Variants in PAPSS1 observed in about 807,000 individuals in gnomAD.
PAPSS1 encodes the protein 3'-phosphoadenosine 5'-phosphosulfate synthase 1, also known as bifunctional 3'-phosphoadenosine 5'-phosphosulfate synthase 1.
Under a neutral mutation model 72.0 loss-of-function variants are expected in PAPSS1, and 50 were observed. The observed-to-expected ratio is 0.69, with a 90% CI of 0.55 to 0.88. PAPSS1 has a LOEUF of 0.88. Among genes scored for constraint, PAPSS1 ranks in the 40% least tolerant of loss-of-function variants. The probability of loss-of-function intolerance (pLI) is 0.00; values close to 1 mark genes in which losing one functional copy is unlikely to be tolerated. For synonymous variants in PAPSS1, 261 were observed against 263.6 expected (o/e 0.99, Z 0.09); for missense variants, 657 against 782.2 (o/e 0.84, Z 1.91).
intron 1 of PAPSS1, among the ~76,000 whole-genome samples, chr4:107,716,874 C>T (rs533142169): frequency 6.6e-6 from 1 of 152,284 alleles, no homozygotes; most frequent in African/African-American, 2.4e-5. Context: ...CCCACGAGTA[C>T]ACTTCCTTTA....
intron 6 of PAPSS1, among the ~76,000 whole-genome samples, chr4:107,657,737 C>A (rs1417124208): frequency 7.1e-6 from 1 of 140,844 alleles, no homozygotes; most frequent in East Asian, 2.2e-4. Flanking sequence ...AGAGTGAGAC[C>A]ATGTCTCAAA....
At chr4:107,676,979 CAT>C (rs1727668699) in intron 5 of PAPSS1, among the ~76,000 whole-genome samples, 1 of 152,136 alleles carries the variant, frequency 6.6e-6, no homozygotes, top group Non-Finnish European at 1.5e-5. Context: ...ACTGGCTAGC[CAT>C]ATTTAGAAAG....
At chr4:107,664,529 C>A (rs1254038512) in intron 5 of PAPSS1, among the ~76,000 whole-genome samples, 1 of 152,158 alleles carries the variant, frequency 6.6e-6, no homozygotes, top group Admixed American at 6.5e-5. Flanking sequence ...ACCCTGGAGA[C>A]CCCACAACAC....
chr4:107,638,332 A>C (rs1429286878), intron 10 of PAPSS1, among the ~76,000 whole-genome samples: 1 of 152,196 alleles, frequency 6.6e-6, no homozygotes, highest in Non-Finnish European at 1.5e-5. Context: ...ATGGAGTCTG[A>C]ATTCTTCATT....
chr4:107,625,704 C>T (rs886209938), intron 11 of PAPSS1, among the ~76,000 whole-genome samples: 1 of 152,144 alleles, frequency 6.6e-6, no homozygotes, highest in Non-Finnish European at 1.5e-5. Context: ...TTAAGTGGTG[C>T]TTTGTTACGC....
chr4:107,672,637 G>A (rs1727517477), intron 5 of PAPSS1, among the ~76,000 whole-genome samples: 1 of 152,168 alleles, frequency 6.6e-6, no homozygotes, highest in Non-Finnish European at 1.5e-5. Context: ...CTCCACCTCT[G>A]GGGGCAGGGC....
intron 11 of PAPSS1, among the ~76,000 whole-genome samples, chr4:107,616,003 T>C (rs1725810993): frequency 1.3e-5 from 2 of 152,282 alleles, no homozygotes; most frequent in Admixed American, 6.5e-5. Flanking sequence ...TAAATGTTTG[T>C]CATCTAAGCC....
chr4:107,630,635 A>C (rs1310364406), intron 11 of PAPSS1, among the ~76,000 whole-genome samples: 1 of 152,186 alleles, frequency 6.6e-6, no homozygotes, highest in Non-Finnish European at 1.5e-5. Context: ...AATACTACCA[A>C]TAATTTGTAC....
At chr4:107,681,523 T>C (rs1451171123) in intron 5 of PAPSS1, among the ~76,000 whole-genome samples, 1 of 152,138 alleles carries the variant, frequency 6.6e-6, no homozygotes, top group African/African-American at 2.4e-5. Flanking sequence ...TGCCTCCATA[T>C]GCCCAGGCAC....
intron 4 of PAPSS1, among the ~76,000 whole-genome samples, chr4:107,684,946 C>T (rs1353054502): frequency 6.6e-6 from 1 of 152,064 alleles, no homozygotes; most frequent in Non-Finnish European, 1.5e-5. Context: ...CGCTCTGTCG[C>T]CCAGGCTAGA....
chr4:107,635,763 C>A (rs886347335), intron 10 of PAPSS1, among the ~76,000 whole-genome samples: 20 of 152,186 alleles, frequency 1.3e-4, no homozygotes, highest in African/African-American at 4.6e-4. Flanking sequence ...AAAGAATAAT[C>A]TACATGCTGG....
chr4:107,685,455 C>G (rs1399594058), intron 4 of PAPSS1, among the ~76,000 whole-genome samples: 1 of 152,180 alleles, frequency 6.6e-6, no homozygotes, highest in Non-Finnish European at 1.5e-5. Context: ...CCTGGACACA[C>G]CATTTTGCTT....
At chr4:107,672,377 A>G (rs1727508031) in intron 5 of PAPSS1, among the ~76,000 whole-genome samples, 1 of 152,178 alleles carries the variant, frequency 6.6e-6, no homozygotes, top group South Asian at 2.1e-4. Flanking sequence ...CTAATGCCGC[A>G]CTTTTCCAAC....
intron 5 of PAPSS1, among the ~76,000 whole-genome samples, chr4:107,677,428 T>C (rs1397727950): frequency 2.0e-5 from 3 of 152,020 alleles, no homozygotes; most frequent in Non-Finnish European, 4.4e-5. Flanking sequence ...AAAAGACACA[T>C]GAAAAAATGC....
At chr4:107,643,938 A>C (rs1377877157) in intron 10 of PAPSS1, among the ~76,000 whole-genome samples, 1 of 152,186 alleles carries the variant, frequency 6.6e-6, no homozygotes, top group African/African-American at 2.4e-5. Context: ...ATGGGACAGA[A>C]TCTTGAAGAA....
intron 4 of PAPSS1, among the ~76,000 whole-genome samples, chr4:107,685,712 G>GCTA (rs1044894997): frequency 1.3e-5 from 2 of 152,198 alleles, no homozygotes; most frequent in African/African-American, 2.4e-5. Context: ...TGGAACTAAT[G>GCTA]CTACTACAGC....
intron 10 of PAPSS1, among the ~76,000 whole-genome samples, chr4:107,642,059 A>G (rs1032399800): frequency 1.3e-5 from 2 of 152,216 alleles, no homozygotes; most frequent in African/African-American, 4.8e-5. Flanking sequence ...GTAAGAATAC[A>G]AAGATTAAGA....
At chr4:107,688,133 G>T (rs1365909063) in intron 3 of PAPSS1, among the ~76,000 whole-genome samples, 1 of 151,854 alleles carries the variant, frequency 6.6e-6, no homozygotes, top group Non-Finnish European at 1.5e-5. Context: ...CCCCTTTCAT[G>T]AACTCCTACA....
intron 4 of PAPSS1, among the ~76,000 whole-genome samples, chr4:107,685,766 T>C (rs1382011372): frequency 6.6e-6 from 1 of 152,178 alleles, no homozygotes; most frequent in East Asian, 1.9e-4. Flanking sequence ...CAGGTTCAAA[T>C]ACAGAAGAAC....
Sources: allele counts gnomAD v4.1 joint callset (sites outside exome capture counted in the v4.1 genomes callset), GRCh38; gene constraint gnomAD v4.1.1; transcripts MANE v1.5; gene names NCBI Gene and HGNC (gene_info 2026-07-23, HGNC 2026-07-21).